Variants in HYDIN observed in about 807,000 individuals in gnomAD.
HYDIN encodes axonemal central pair apparatus protein HYDIN.
In HYDIN, 132 loss-of-function variants were observed where a neutral mutation model predicts 403.9. The ratio of observed to expected loss-of-function variants is 0.33; its 90% confidence interval spans 0.28 to 0.38. The LOEUF (loss-of-function observed/expected upper bound fraction) is 0.38. Ranked by LOEUF, HYDIN falls within the 10% of genes least tolerant of loss-of-function variation. HYDIN has a pLI of 1.00. For synonymous variants in HYDIN, 1,202 were observed against 1,891.7 expected (o/e 0.64, Z 9.46); for missense variants, 2,827 against 5,009.5 (o/e 0.56, Z 13.15).
chr16:71,037,559 T>C (rs962526451), intron 18 of HYDIN, among the ~76,000 whole-genome samples: 1 of 151,196 alleles, frequency 6.6e-6, no homozygotes, highest in Non-Finnish European at 1.5e-5. Flanking sequence ...ATAGGGAGAT[T>C]ATCCTCAGCG....
chr16:70,951,038 C>T (rs1308940076), intron 41 of HYDIN, among the ~76,000 whole-genome samples: 2 of 152,048 alleles, frequency 1.3e-5, no homozygotes, highest in Non-Finnish European at 2.9e-5. Flanking sequence ...AGTTCAAGAC[C>T]AGCCTGGGCA....
chr16:70,980,772 G>A (rs1020015565), intron 29 of HYDIN, among the ~76,000 whole-genome samples: 20 of 152,044 alleles, frequency 1.3e-4, no homozygotes, highest in African/African-American at 4.3e-4. Flanking sequence ...TGTACCTGAC[G>A]TCAGGAAGAA....
intron 1 of HYDIN, among the ~76,000 whole-genome samples, chr16:71,188,036 G>C (rs1381925129): frequency 6.6e-6 from 1 of 152,102 alleles, no homozygotes; most frequent in Non-Finnish European, 1.5e-5. Context: ...AACAACACAA[G>C]GCCCAGACTG....
chr16:71,176,871 C>A (rs896746304), intron 4 of HYDIN, among the ~76,000 whole-genome samples: 1 of 152,188 alleles, frequency 6.6e-6, no homozygotes, highest in Non-Finnish European at 1.5e-5. Context: ...CAGGCTCTAT[C>A]TTTTGTACCC....
At chr16:71,125,095 G>A (rs1172603648) in intron 9 of HYDIN, among the ~76,000 whole-genome samples, 1 of 150,626 alleles carries the variant, frequency 6.6e-6, no homozygotes, top group Non-Finnish European at 1.5e-5. Context: ...CGCGCCTCCT[G>A]ATGCCTTCTC....
rs1453676821 is a variant in HYDIN, at chr16:70,972,850, GA to G, written c.5379+492del. Among the ~76,000 whole-genome samples, 3 of 152,354 alleles carry G rather than the reference GA, an allele frequency of 2.0e-5. No individual in the cohort carries two copies. In the East Asian group the frequency reaches 5.8e-4, roughly 29 times the overall value. ...ACAGTTGTTGGCAATGTTTGACTCTGAAAACTAAGTTGTACAAATAAAGGTT... is the reference window on the plus strand; with the variant it reads ...ACAGTTGTTGGCAATGTTTGACTCTGAAACTAAGTTGTACAAATAAAGGTT... On this transcript the variant is annotated intron_variant, in intron 35 of 85. Transcript: ENST00000393567.
At chr16:70,950,640 C>T (rs1285150279) in intron 41 of HYDIN, among the ~76,000 whole-genome samples, 2 of 151,662 alleles carry the variant, frequency 1.3e-5, no homozygotes, top group East Asian at 1.9e-4. Context: ...AACTCTTCTC[C>T]ATCCATCTGC....
At chr16:71,195,307 T>G (rs1236758295) in intron 1 of HYDIN, among the ~76,000 whole-genome samples, 4 of 152,002 alleles carry the variant, frequency 2.6e-5, no homozygotes, top group Non-Finnish European at 5.9e-5. Context: ...TCTATGCAAT[T>G]AACTTTGCTT....
chr16:71,107,508 CA>C (rs1156844563), intron 10 of HYDIN, among the ~76,000 whole-genome samples: 2 of 149,830 alleles, frequency 1.3e-5, no homozygotes, highest in Non-Finnish European at 3.0e-5. Context: ...AAAAAGTCGG[CA>C]AAAAAATGAA....
intron 13 of HYDIN, 63 bp from the exon 14 acceptor site, chr16:71,069,565 C>T (rs1290788766): frequency 2.2e-5 from 24 of 1,115,834 alleles, no homozygotes; most frequent in Non-Finnish European, 2.7e-5. Context: ...GACCCTCAAT[C>T]TCCCCTAGAA....
chr16:70,817,309 T>C (rs1413514268), intron 84 of HYDIN: 1 of 151,364 alleles, frequency 6.6e-6, no homozygotes, highest in Non-Finnish European at 1.5e-5. Context: ...CTATGACCTG[T>C]GGTTCTACTC....
chr16:71,103,758 A>T (rs1448668780), intron 10 of HYDIN, among the ~76,000 whole-genome samples: 62 of 151,942 alleles, frequency 4.1e-4, no homozygotes, highest in African/African-American at 1.4e-3. Context: ...TGAATTTTAG[A>T]ATCAGCTTGT....
intron 1 of HYDIN, among the ~76,000 whole-genome samples, chr16:71,209,630 G>C (rs1286784982): frequency 6.6e-6 from 1 of 152,168 alleles, no homozygotes; most frequent in Non-Finnish European, 1.5e-5. Flanking sequence ...TCTGTATCTA[G>C]AAAACCCCAC....
In HYDIN at chr16:70,872,091, C is replaced by A. The variant is rs1167165865; in HGVS notation, c.11037G>T (p.Val3679=). ...CAGGCCATTCAAACCGTATCAAGTTCACTTGGCTGTGATTTGTGACTGTGA... is the reference window on the plus strand; with the variant it reads ...CAGGCCATTCAAACCGTATCAAGTTAACTTGGCTGTGATTTGTGACTGTGA... ...ASFTVTNHSQ[V]NLIRFEWPVS... is the part of the protein sequence containing the mutation. Residue 3679 remains valine (V), a synonymous_variant, in exon 65 of 86, where the codon GTG becomes GTT. Transcript: ENST00000393567. The A allele has an allele frequency of 4.5e-6, 7 of 1,566,256 alleles. No homozygotes were observed. The highest frequency in any genetic ancestry group is 6.0e-6 in the Non-Finnish European group (7 of 1,157,134).
At chr16:70,999,143 G>A (rs895572044) in intron 23 of HYDIN, among the ~76,000 whole-genome samples, 1 of 152,116 alleles carries the variant, frequency 6.6e-6, no homozygotes, top group African/African-American at 2.4e-5. Context: ...AGTTGCAATT[G>A]GAGCCTCTAG....
chr16:71,004,081 G>C (rs2079811702), intron 23 of HYDIN, among the ~76,000 whole-genome samples: 1 of 151,578 alleles, frequency 6.6e-6, no homozygotes, highest in African/African-American at 2.4e-5. Flanking sequence ...TTGGGAGGCT[G>C]AGGTGGGCAG....
intron 58 of HYDIN, among the ~76,000 whole-genome samples, chr16:70,887,058 G>A (rs1426028719): frequency 4.6e-5 from 7 of 152,098 alleles, no homozygotes; most frequent in African/African-American, 1.7e-4. Flanking sequence ...CTTTTGTTAT[G>A]GTTCCACAGA....
At chr16:71,084,296 T>G (rs1451224806) in intron 12 of HYDIN, among the ~76,000 whole-genome samples, 8 of 149,244 alleles carry the variant, frequency 5.4e-5, no homozygotes, top group Non-Finnish European at 1.0e-4. Flanking sequence ...TCTAATTTAT[T>G]TATTTTTTCT....
intron 45 of HYDIN, among the ~76,000 whole-genome samples, chr16:70,921,929 A>C (rs1215815062): frequency 6.6e-6 from 1 of 152,070 alleles, no homozygotes; most frequent in East Asian, 1.9e-4. Flanking sequence ...TGTTTTGTGG[A>C]CTCTGATTTT....
Sources: gnomAD v4.1 joint callset for allele counts (sites outside exome capture counted in the v4.1 genomes callset) on GRCh38, gnomAD v4.1.1 for gene constraint, MANE v1.5 for transcripts, NCBI Gene and HGNC (gene_info 2026-07-23, HGNC 2026-07-21) for gene names.